CEP131: variants seen among roughly 807,000 people sequenced by gnomAD.
CEP131 encodes the protein centrosomal protein of 131 kDa.
Under a neutral mutation model 136.8 loss-of-function variants are expected in CEP131, and 99 were observed. The observed-to-expected ratio is 0.72, with a 90% confidence interval of 0.62 to 0.86. CEP131 has a LOEUF of 0.86. Ranked by LOEUF, CEP131 falls within the 40% of genes least tolerant of loss-of-function variation. CEP131 has a pLI of 0.00. For missense variants in CEP131, 1,459 were observed against 1,463.0 expected (o/e 1.00, Z 0.04); for synonymous variants, 646 against 612.7 (o/e 1.05, Z -0.80).
At position 81,208,588 on chromosome 17, in the gene CEP131, T is replaced by C. The variant is rs917646748; in HGVS notation, c.272+340A>G. Among the ~76,000 whole-genome samples the C allele has an allele frequency of 7.9e-5, 12 of 152,172 alleles. No homozygotes were observed. The highest frequency in any genetic ancestry group is 1.2e-4 in the Non-Finnish European group (8 of 68,034). On this transcript the variant is annotated intron_variant, in intron 3 of 25. Transcript: ENST00000450824. This position sits in a 1 kb window ranked among gnomAD's most constrained non-coding sequence, Gnocchi z 5.6. Reference sequence around the variant, plus strand: ...TGGGGGTTCAGAAGGGTCACAGTGCTGCCCCTCTCGCAAATGACAGCTTTT... The same window carrying C: ...TGGGGGTTCAGAAGGGTCACAGTGCCGCCCCTCTCGCAAATGACAGCTTTT...
In CEP131 at chr17:81,207,394, C is replaced by G. The variant is rs556768982; in HGVS notation, c.273-155G>C. On this transcript the variant is annotated intron_variant, in intron 3 of 25. Coordinates refer to ENST00000450824, the MANE Select transcript of CEP131 (RefSeq NM_014984.4). ...CCAAAGCCCCCATCTGACCACTGTGCCTGGCCAGGGTTCCTCAGTGGAGCT... is the reference window on the plus strand; with the variant it reads ...CCAAAGCCCCCATCTGACCACTGTGGCTGGCCAGGGTTCCTCAGTGGAGCT... Among the ~76,000 whole-genome samples, 36 of 152,330 alleles carry G rather than the reference C, an allele frequency of 2.4e-4. No individual in the cohort carries two copies. In the East Asian group the frequency reaches 6.6e-3, roughly 28 times the overall value.
chr17:81,207,201 C>T lies in CEP131; in HGVS notation c.311G>A (p.Gly104Asp). The change falls in exon 4 of 26, where the codon GGC becomes GAC. Residue 104 changes from glycine to aspartate, a missense_variant. Around this residue, in one of 3 missense-constraint regions of CEP131, gnomAD observed 187 missense variants for 179.9 expected, o/e 1.04. Coordinates refer to ENST00000450824, the MANE Select transcript of CEP131 (RefSeq NM_014984.4). ...EPTDFLMLFEGSPSGKKRPAS... is the reference protein window; with the variant it reads ...EPTDFLMLFEDSPSGKKRPAS... ...AGGCCTCTTTTTCCCACTGGGGCTG[C>T]CCTCGAAGAGCATCAGGAAGTCTGT... 1 of 1,613,564 alleles carries T rather than the reference C, an allele frequency of 6.2e-7. No homozygotes were observed. Among genetic ancestry groups the T allele is most frequent in the Non-Finnish European group, 8.5e-7 (1 of 1,179,928 alleles).
rs1298746265 is a variant in CEP131, at chr17:81,203,380, AC to A, written c.629+113del. On this transcript the variant is annotated intron_variant, in intron 6 of 25. Coordinates refer to ENST00000450824, the MANE Select transcript of CEP131 (RefSeq NM_014984.4). The surrounding 1 kb of genome is among the most constrained non-coding windows in gnomAD (Gnocchi z 4.6). ...GACCGCATGCCCTGACCAAGGTAGA[AC>A]CCTGTGTGAACTGACCGCGTGCCCT... is the stretch of plus-strand genomic sequence containing the variant. 3.4e-5 allele frequency: 27 copies of A among 804,644 alleles called. No individual in the cohort carries two copies. Among genetic ancestry groups the A allele is most frequent in the Non-Finnish European group, 5.4e-5 (27 of 501,206 alleles). 49.8% of individuals were successfully genotyped at this position (804,644 alleles called of 1,614,324 possible).
chr17:81,209,551 C>A (rs539598437), intron 2 of CEP131, among the ~76,000 whole-genome samples: 1 of 149,762 alleles, frequency 6.7e-6, no homozygotes, highest in South Asian at 2.1e-4. Context: ...GGCTGCGCAG[C>A]AGACACTAAG....
chr17:81,219,897 G>A lies in CEP131; in HGVS notation c.160C>T (p.Gln54Ter). 1 of 1,608,016 alleles carries A rather than the reference G, an allele frequency of 6.2e-7. No individual in the cohort carries two copies. The highest frequency in any genetic ancestry group is 1.7e-5 in the Admixed American group (1 of 59,190). ...RSVSVVTGSE[Q>*]KRKVLEATGP... ...GTACTCACCAGCACCTTCCTCTTCT[G>A]CTCGCTGCCTGTGACCACGGAGACA... The change falls in exon 2 of 26, where the codon CAG (glutamine) becomes TAG (stop). Residue 54 changes from glutamine (Q) to a stop codon, truncating the protein, a stop_gained. Coordinates refer to ENST00000450824, the MANE Select transcript of CEP131 (RefSeq NM_014984.4). LOFTEE classifies it high-confidence loss of function. This position sits in a 1 kb window ranked among gnomAD's most constrained non-coding sequence, Gnocchi z 4.0.
At chr17:81,192,685 G>GCCGGCC in intron 19 of CEP131, 51 bp downstream of exon 19, 1 of 478,438 alleles carries the variant, frequency 2.1e-6, no homozygotes, top group Non-Finnish European at 4.1e-6. Flanking sequence ...GGGGGGAGGG[G>GCCGGCC]TCAGCCAGCG....
chr17:81,197,454 G>C, intron 13 of CEP131: 1 of 568,490 alleles, frequency 1.8e-6, no homozygotes, highest in Non-Finnish European at 3.1e-6. Flanking sequence ...TCGGGGCAGC[G>C]GGTAGGTGGG....
intron 19 of CEP131, 51 bp downstream of exon 19, chr17:81,192,685 G>GGGGGGGGGGGGGGGGGGCCCCCC: frequency 4.2e-6 from 2 of 478,432 alleles, no homozygotes; most frequent in Non-Finnish European, 8.1e-6. Context: ...GGGGGGAGGG[G>GGGGGGGGGGGGGGGGGGCCCCCC]TCAGCCAGCG....
In CEP131 at chr17:81,197,879, C is replaced by T. The variant is rs200083501; in HGVS notation, c.1480G>A (p.Ala494Thr). Residue 494 changes from alanine to threonine, a missense_variant, in exon 13 of 26, where the codon GCC becomes ACC. This residue lies in a region of CEP131 where 1,026 missense variants were observed against 964.2 expected (regional missense o/e 1.06). Transcript: ENST00000450824. ...RYAWASEEDDASSLTADNLEK... is the reference protein window; with the variant it reads ...RYAWASEEDDTSSLTADNLEK... ...AAGTTGTCAGCTGTCAGAGAGCTGG[C>T]GTCATCCTCCTGTGGGACAGGAGCC... is the stretch of plus-strand genomic sequence containing the variant. 89 of 1,612,142 alleles carry T rather than the reference C, an allele frequency of 5.5e-5. No homozygotes were observed. The East Asian group carries it at 1.1e-3, about 21-fold the overall frequency.
At position 81,189,842 on chromosome 17, in the gene CEP131, G is replaced by C. The variant is rs1209054076; in HGVS notation, c.3170C>G (p.Ala1057Gly). 1 of 1,612,264 alleles carries C rather than the reference G, an allele frequency of 6.2e-7. No individual in the cohort carries two copies. Among genetic ancestry groups the C allele is most frequent in the Non-Finnish European group, 8.5e-7 (1 of 1,179,660 alleles). Reference protein sequence around the residue: ...AVSSLRTQHEAAVKRADHLEE... With the variant: ...AVSSLRTQHEGAVKRADHLEE... ...CAGGTGGTCGGCCCGCTTCACCGCAGCCTGCAGCACACCCACAGGGTCAGG... is the reference window on the plus strand; with the variant it reads ...CAGGTGGTCGGCCCGCTTCACCGCACCCTGCAGCACACCCACAGGGTCAGG... The change falls in exon 26 of 26, where the codon GCT becomes GGT. Residue 1057 changes from alanine to glycine, a missense_variant and splice_region_variant. This residue lies in a region of CEP131 where 1,026 missense variants were observed against 964.2 expected (regional missense o/e 1.06). Coordinates refer to ENST00000450824, the MANE Select transcript of CEP131 (RefSeq NM_014984.4).
Position 81,191,304 on chromosome 17 carries a change from A to T in CEP131, c.2654T>A (p.Leu885Gln). Residue 885 changes from leucine (L) to glutamine (Q), a missense_variant, in exon 22 of 26, where the codon CTG becomes CAG. Transcript: ENST00000450824. Reference protein sequence around the residue: ...EAWLLNREQELREEIRKGRDK... With the variant: ...EAWLLNREQEQREEIRKGRDK... The stretch of plus-strand genomic sequence containing the variant: ...CCGGCCTTTCCGGATTTCTTCCCTC[A>T]GCTCCTGTTCCCGGTTCAGCAGCCA... The T allele has an allele frequency of 6.2e-7, 1 of 1,613,172 alleles. No individual in the cohort carries two copies. The highest frequency in any genetic ancestry group is 8.5e-7 in the Non-Finnish European group (1 of 1,179,922).
chr17:81,214,875 C>T (rs1005259247), intron 2 of CEP131, among the ~76,000 whole-genome samples: 12 of 151,976 alleles, frequency 7.9e-5, no homozygotes, highest in Non-Finnish European at 2.9e-5. Flanking sequence ...TGGGTTCACG[C>T]CATTCTCCTG....
At chr17:81,192,685 G>GGGGGGGGGGGGGGGCCGCC in intron 19 of CEP131, 51 bp downstream of exon 19, 1 of 478,438 alleles carries the variant, frequency 2.1e-6, no homozygotes, top group Non-Finnish European at 4.1e-6. Context: ...GGGGGGAGGG[G>GGGGGGGGGGGGGGGCCGCC]TCAGCCAGCG....
chr17:81,196,203 C>G (rs1446125989), intron 15 of CEP131, among the ~76,000 whole-genome samples: 2 of 152,212 alleles, frequency 1.3e-5, no homozygotes, highest in Non-Finnish European at 2.9e-5. Context: ...AGCCCACCCC[C>G]TGCAGTGATG....
At chr17:81,198,368 A>C in intron 11 of CEP131, 71 bp from the exon 12 acceptor site, 1 of 1,459,772 alleles carries the variant, frequency 6.9e-7, no homozygotes, top group Admixed American at 2.3e-5. Context: ...ATAGGAGGCC[A>C]ACCGCAGAGC....
chr17:81,194,844 C>A lies in CEP131; in HGVS notation c.2119+26G>T, dbSNP rs375434915. On this transcript the variant is annotated intron_variant, in intron 17 of 25. Transcript: ENST00000450824. The stretch of plus-strand genomic sequence containing the variant: ...GCCGCAGCACCCACCCCACACCTGG[C>A]CGGCTCATGGGAGGGGAGGGCCCAC... 2.7e-4 allele frequency: 423 copies of A among 1,593,492 alleles called. 2 individuals are homozygous for A. The highest frequency in any genetic ancestry group is 6.8e-5 in the Non-Finnish European group (79 of 1,162,582).
chr17:81,198,391 G>T, intron 11 of CEP131, 94 bp from the exon 12 acceptor site: 4 of 1,313,974 alleles, frequency 3.0e-6, no homozygotes, highest in Non-Finnish European at 4.1e-6. Flanking sequence ...CAAAGGCGCC[G>T]CGGGAGCTCC....
rs1008766047 is a variant in CEP131, at chr17:81,219,933, T to C, written c.124A>G (p.Ile42Val). The C allele has an allele frequency of 6.2e-7, 1 of 1,612,088 alleles. No homozygotes were observed. ...GTGACCACGGAGACAGAGCGGACGA[T>C]GGGCTTGGTGGTGGCGGCACTGCCA... ...RPGSAATTKP[I>V]VRSVSVVTGS... The change falls in exon 2 of 26, where the codon ATC becomes GTC. Residue 42 changes from isoleucine (I) to valine (V), a missense_variant. Ile to Val is a conservative substitution (Grantham distance 29). This residue lies in a region of CEP131 where 187 missense variants were observed against 179.9 expected (regional missense o/e 1.04). Transcript: ENST00000450824. The surrounding 1 kb of genome is among the most constrained non-coding windows in gnomAD (Gnocchi z 4.0).
chr17:81,190,357 C>T (rs375152726), intron 24 of CEP131, among the ~76,000 whole-genome samples: 2 of 152,298 alleles, frequency 1.3e-5, no homozygotes, highest in African/African-American at 2.4e-5. Context: ...AGCCCAGGGC[C>T]CCGGGAGCTG....
Sources: allele counts gnomAD v4.1 joint callset (sites outside exome capture counted in the v4.1 genomes callset), GRCh38; gene constraint gnomAD v4.1.1; regional missense constraint gnomAD v4.1.1; non-coding constraint Gnocchi (gnomAD v3.1); transcripts MANE v1.5; gene names NCBI Gene and HGNC (gene_info 2026-07-23, HGNC 2026-07-21).